PON1: variants seen among roughly 807,000 people sequenced by gnomAD.
The protein encoded by PON1 is serum paraoxonase/arylesterase 1.
In PON1, 37 loss-of-function variants were observed where a neutral mutation model predicts 39.2. The ratio of observed to expected loss-of-function variants is 0.94; its 90% CI spans 0.73 to 1.24. PON1 has a LOEUF of 1.24. PON1 is among the 50% of genes most tolerant of loss of function. The pLI, the probability that PON1 is intolerant of heterozygous loss-of-function variation, is 0.00. For missense variants in PON1, 397 were observed against 413.5 expected, an observed-to-expected ratio of 0.96 and a Z score of 0.35; for synonymous variants, 148 against 152.2, an observed-to-expected ratio of 0.97 and a Z score of 0.21.
At chr7:95,315,973 T>G (rs1419547097) in intron 3 of PON1, among the ~76,000 whole-genome samples, 1 of 152,202 alleles carries the variant, frequency 6.6e-6, no homozygotes, top group Non-Finnish European at 1.5e-5. Flanking sequence ...GTTTTATATA[T>G]TGTGTTCCCA....
At chr7:95,311,916 A>G (rs561669225) in intron 4 of PON1, among the ~76,000 whole-genome samples, 3 of 152,348 alleles carry the variant, frequency 2.0e-5, no homozygotes, top group East Asian at 3.9e-4. Context: ...TGAAAGGGAT[A>G]AAAACCATGG....
chr7:95,313,618 A>ATGTGTGTGTGTG lies in PON1; in HGVS notation c.370+1692_370+1703dup, dbSNP rs3046663. Among the ~76,000 whole-genome samples the ATGTGTGTGTGTG allele has an allele frequency of 1.4e-4, 21 of 147,290 alleles. No individual in the cohort carries two copies. The East Asian group carries it at 1.8e-3, about 13-fold the overall frequency. ...TCCATTGAAAGGGATATATATGTAT[A>ATGTGTGTGTGTG]TGTGTGTGTGTGTGTGTGTGTGTGT... On this transcript the variant is annotated intron_variant, in intron 4 of 8. Transcript: ENST00000222381.
intron 4 of PON1, 103 bp downstream of exon 4, chr7:95,315,219 C>A: frequency 9.3e-7 from 1 of 1,072,444 alleles, no homozygotes; most frequent in South Asian, 1.4e-5. Context: ...TTATTCATGA[C>A]TATGCTTTGT....
In PON1 at chr7:95,302,317, G is replaced by T. The variant is rs752865207; in HGVS notation, c.797C>A (p.Thr266Asn). 8.1e-6 allele frequency: 13 copies of T among 1,607,828 alleles called. No homozygotes were observed. The highest frequency in any genetic ancestry group is 2.2e-5 in the East Asian group (1 of 44,824). ...LTPLKSLDFN[T>N]LVDNISVDPE... ...ATCCACAGATATGTTATCCACGAGG[G>T]TATTAAAGTCAAGGGACTTAAAAGA... The change falls in exon 8 of 9, where the codon ACC becomes AAC. Residue 266 changes from threonine (T) to asparagine (N), a missense_variant. By Grantham distance (65) the Thr-to-Asn change is moderately conservative. Transcript: ENST00000222381.
chr7:95,324,392 C>T lies in PON1; in HGVS notation c.74+10G>A, dbSNP rs368215975. The T allele has an allele frequency of 2.2e-4, 349 of 1,613,988 alleles. No homozygotes were observed. Among genetic ancestry groups the T allele is most frequent in the Admixed American group, 7.3e-4 (44 of 60,028 alleles). On this transcript the variant is annotated intron_variant, in intron 1 of 8. Coordinates refer to ENST00000222381, the MANE Select transcript of PON1 (RefSeq NM_000446.7). ...ACGAAGGCTGCAGCCCTCACCACAA[C>T]CCAACTTACTGGTAAGAAGACTGGT...
intron 1 of PON1, among the ~76,000 whole-genome samples, chr7:95,322,994 GA>G (rs1421368434): frequency 2.6e-5 from 4 of 152,184 alleles, no homozygotes; most frequent in Non-Finnish European, 5.9e-5. Flanking sequence ...GCTTGCTCCT[GA>G]TGCAGGCCTC....
At chr7:95,304,820 C>T (rs566955275) in intron 7 of PON1, among the ~76,000 whole-genome samples, 1 of 152,184 alleles carries the variant, frequency 6.6e-6, no homozygotes, top group African/African-American at 2.4e-5. Context: ...GATGGAGAAC[C>T]TTTTTGGGGT....
intron 5 of PON1, among the ~76,000 whole-genome samples, chr7:95,308,475 C>CGTGTGTGTGTGTGTGT (rs10548570): frequency 9.5e-5 from 14 of 147,078 alleles, no homozygotes; most frequent in Non-Finnish European, 1.8e-4. Flanking sequence ...AGTGTTACGT[C>CGTGTGTGTGTGTGTGT]GTGTGTGTGT....
rs556617468 is a variant in PON1 at position 95,310,162 on chromosome 7, G to A, written c.497+1289C>T. 5.3e-5 allele frequency among the ~76,000 whole-genome samples: 8 copies of A among 152,176 alleles called. No individual in the cohort carries two copies. The East Asian group carries it at 1.5e-3, about 29-fold the overall frequency. On this transcript the variant is annotated intron_variant, in intron 5 of 8. Transcript: ENST00000222381. ...CACCATTTACTGATGATGTCATCTG[G>A]GGAAACTTAACAATTAGTCCAGGCC...
At chr7:95,318,596 G>A in intron 1 of PON1, 1 of 538,994 alleles carries the variant, frequency 1.9e-6, no homozygotes. Flanking sequence ...TTATTTAGCA[G>A]AGGTGGATAG....
intron 8 of PON1, 93 bp downstream of exon 8, chr7:95,302,112 A>C (rs1171985229): frequency 2.1e-5 from 18 of 837,856 alleles, no homozygotes; most frequent in Non-Finnish European, 2.7e-5. Flanking sequence ...AAAAAAAAAA[A>C]AAAAAAAAAC....
At position 95,302,325 on chromosome 7, in the gene PON1, G is replaced by A. The variant is rs1441984760; in HGVS notation, c.789C>T (p.Asp263=). 3 of 1,607,570 alleles carry A rather than the reference G, an allele frequency of 1.9e-6. No individual in the cohort carries two copies. The highest frequency in any genetic ancestry group is 2.6e-6 in the Non-Finnish European group (3 of 1,174,632). ...NWTLTPLKSL[D]FNTLVDNISV... is the part of the protein sequence containing the mutation. ...ATATGTTATCCACGAGGGTATTAAA[G>A]TCAAGGGACTTAAAAGATTAAAAAC... Residue 263 remains aspartate, a synonymous_variant, in exon 8 of 9, where the codon GAC becomes GAT. Transcript: ENST00000222381.
At position 95,299,056 on chromosome 7, in the gene PON1, T is replaced by C; in HGVS notation, c.956A>G (p.Gln319Arg). The C allele has an allele frequency of 6.2e-7, 1 of 1,614,138 alleles. No individual in the cohort carries two copies. ...NILTEEPKVTQVYAENGTVLQ... is the reference protein window; with the variant it reads ...NILTEEPKVTRVYAENGTVLQ... Reference sequence around the variant, plus strand: ...CACTGTGCCATTTTCTGCATAAACCTGTGTCACTTTAGGTTCTTCTGTTAG... The same window carrying C: ...CACTGTGCCATTTTCTGCATAAACCCGTGTCACTTTAGGTTCTTCTGTTAG... The change falls in exon 9 of 9, where the codon CAG becomes CGG. Residue 319 changes from glutamine to arginine, a missense_variant. Coordinates refer to ENST00000222381, the MANE Select transcript of PON1 (RefSeq NM_000446.7).
intron 1 of PON1, among the ~76,000 whole-genome samples, chr7:95,322,538 T>C (rs1479922210): frequency 6.6e-6 from 1 of 152,118 alleles, no homozygotes; most frequent in African/African-American, 2.4e-5. Context: ...ACAGTAAGCA[T>C]GGAATGGCAG....
intron 8 of PON1, among the ~76,000 whole-genome samples, chr7:95,300,726 T>C (rs1458747392): frequency 2.0e-5 from 3 of 152,208 alleles, no homozygotes; most frequent in Non-Finnish European, 4.4e-5. Context: ...GTCCATGCTA[T>C]AGCAAATGAC....
At position 95,299,088 on chromosome 7, in the gene PON1, C is replaced by T. The variant is rs778343353; in HGVS notation, c.924G>A (p.Gln308=). The change falls in exon 9 of 9, where the codon CAG becomes CAA. Residue 308 remains glutamine, a synonymous_variant. Coordinates refer to ENST00000222381, the MANE Select transcript of PON1 (RefSeq NM_000446.7). ...NPPASEVLRI[Q]NILTEEPKVT... ...CTTTAGGTTCTTCTGTTAGAATGTT[C>T]TGGATTCGAAGCACCTGTGGAAGAA... The T allele has an allele frequency of 6.2e-7, 1 of 1,614,090 alleles. No homozygotes were observed. Among genetic ancestry groups the T allele is most frequent in the Admixed American group, 1.7e-5 (1 of 60,032 alleles).
chr7:95,310,802 G>C (rs1463202575), intron 5 of PON1, among the ~76,000 whole-genome samples: 1 of 152,198 alleles, frequency 6.6e-6, no homozygotes, highest in Non-Finnish European at 1.5e-5. Flanking sequence ...TGTTTCAGAA[G>C]ATAGAGTCGG....
At position 95,315,467 on chromosome 7, in the gene PON1, C is replaced by G; in HGVS notation, c.225G>C (p.Lys75Asn). The change falls in exon 4 of 9, where the codon AAG (lysine) becomes AAC (asparagine). Residue 75 changes from lysine to asparagine, a missense_variant. Lys to Asn is a moderately conservative substitution (Grantham distance 94). Transcript: ENST00000222381. ...TTCCAGGACTGTTGGGGTTGAAGCT[C>G]TTTATTCCAGGATACTTTAATCCCT... The part of the protein sequence containing the change: ...ISSGLKYPGI[K>N]SFNPNSPGKI... 6.2e-7 allele frequency: 1 copy of G among 1,614,020 alleles called. No homozygotes were observed. Among genetic ancestry groups the G allele is most frequent in the Non-Finnish European group, 8.5e-7 (1 of 1,179,964 alleles).
At chr7:95,301,377 T>C (rs566834811) in intron 8 of PON1, among the ~76,000 whole-genome samples, 311 of 152,202 alleles carry the variant, frequency 2.0e-3, no homozygotes, top group Non-Finnish European at 2.8e-3. Flanking sequence ...GACTGGTCCA[T>C]TGCATGGACC....
Sources: gnomAD v4.1 joint callset for allele counts (sites outside exome capture counted in the v4.1 genomes callset) on GRCh38, gnomAD v4.1.1 for gene constraint, MANE v1.5 for transcripts, NCBI Gene and HGNC (gene_info 2026-07-23, HGNC 2026-07-21) for gene names.